The following PDE4B variants were observed in gnomAD, a reference collection of about 807,000 sequenced individuals.
The protein encoded by PDE4B is phosphodiesterase 4B.
PDE4B carries 20 observed loss-of-function variants against 82.2 expected under a neutral mutation model. The ratio of observed to expected loss-of-function variants is 0.24; its 90% CI spans 0.17 to 0.35. The LOEUF is 0.35. Among genes scored for constraint, PDE4B ranks in the 10% least tolerant of loss-of-function variants. PDE4B has a pLI of 1.00. For missense variants in PDE4B, 655 were observed against 907.2 expected, an observed-to-expected ratio of 0.72 and a Z score of 3.57; for synonymous variants, 320 against 318.9, an observed-to-expected ratio of 1.00 and a Z score of -0.04.
Position 66,286,137 on chromosome 1 carries a change from A to C in PDE4B, c.634+20050A>C, listed in dbSNP as rs79305557. Among the ~76,000 whole-genome samples, 356 of 152,314 alleles carry C rather than the reference A, an allele frequency of 2.3e-3. 1 individual carries two copies. The highest frequency in any genetic ancestry group is 8.1e-3 in the African/African-American group (336 of 41,568). ...TTCCTTGGCCCATGAGTCTCCATAG[A>C]AGATGCCATGTGCTTCTGGTAATTG... is the stretch of plus-strand genomic sequence containing the variant. On this transcript the variant is annotated intron_variant, in intron 7 of 16. Transcript: ENST00000341517.
At chr1:66,339,018 CAAAAA>C (rs60064823) in intron 8 of PDE4B, among the ~76,000 whole-genome samples, 1,356 of 79,786 alleles carry the variant, frequency 0.017, 23 homozygotes, top group African/African-American at 0.046. Flanking sequence ...GACTCCGTCT[CAAAAA>C]AAAAAAAAAA....
chr1:66,293,694 A>G (rs895084076), intron 7 of PDE4B, among the ~76,000 whole-genome samples: 2 of 152,204 alleles, frequency 1.3e-5, no homozygotes, highest in East Asian at 3.9e-4. Context: ...TTTAAAACAC[A>G]CACACAAAAT....
chr1:66,187,511 C>G (rs889410880), intron 3 of PDE4B, among the ~76,000 whole-genome samples: 2 of 152,102 alleles, frequency 1.3e-5, no homozygotes, highest in South Asian at 2.1e-4. Flanking sequence ...CAATTTCAGA[C>G]CCTGTTATTG....
At chr1:65,980,371 A>G (rs1483397829) in intron 3 of PDE4B, among the ~76,000 whole-genome samples, 1 of 152,152 alleles carries the variant, frequency 6.6e-6, no homozygotes, top group Non-Finnish European at 1.5e-5. Context: ...TGGTGTTTTG[A>G]CTGTCTATCT....
chr1:66,085,098 C>G (rs115691431), intron 3 of PDE4B, among the ~76,000 whole-genome samples: 3,216 of 152,166 alleles, frequency 0.021, 57 homozygotes, highest in Non-Finnish European at 0.032. Flanking sequence ...CAGCAGTGGT[C>G]CCCAGTGTGT....
chr1:65,851,715 G>T (rs563975335), intron 1 of PDE4B, among the ~76,000 whole-genome samples: 4 of 151,904 alleles, frequency 2.6e-5, no homozygotes, highest in African/African-American at 9.6e-5. Flanking sequence ...ATTCTAAAAG[G>T]TTTCTTCTTT....
At chr1:66,251,336 C>T (rs192335761) in intron 4 of PDE4B, among the ~76,000 whole-genome samples, 95 of 152,228 alleles carry the variant, frequency 6.2e-4, no homozygotes, top group Admixed American at 1.1e-3. Flanking sequence ...GGGAACAAGA[C>T]GAACCCAAGA....
At chr1:65,940,688 C>G (rs1374118350) in intron 3 of PDE4B, among the ~76,000 whole-genome samples, 1 of 151,922 alleles carries the variant, frequency 6.6e-6, no homozygotes, top group African/African-American at 2.4e-5. Flanking sequence ...GCTTGATTTG[C>G]TAGGTTGATA....
At position 66,120,329 on chromosome 1, in the gene PDE4B, G is replaced by A. The variant is rs114996938; in HGVS notation, c.282-127131G>A. The stretch of plus-strand genomic sequence containing the variant: ...CTTGGTTTGGATGGGGTATGCCTAG[G>A]AGTAGCTCACCCTTCTCTGATCTCC... On this transcript the variant is annotated intron_variant, in intron 3 of 16. Coordinates refer to ENST00000341517, the MANE Select transcript of PDE4B (RefSeq NM_002600.4). Among the ~76,000 whole-genome samples, 1,028 of 146,018 alleles carry A rather than the reference G, an allele frequency of 7.0e-3. 12 individuals carry two copies. The highest frequency in any genetic ancestry group is 0.027 in the African/African-American group (962 of 35,822).
chr1:65,856,676 A>C (rs1489004087), intron 1 of PDE4B, among the ~76,000 whole-genome samples: 1 of 152,234 alleles, frequency 6.6e-6, no homozygotes, highest in African/African-American at 2.4e-5. Flanking sequence ...AATGATTTAT[A>C]ATCCTTTGGG....
intron 3 of PDE4B, among the ~76,000 whole-genome samples, chr1:66,067,658 A>C (rs1221011044): frequency 6.6e-6 from 1 of 152,020 alleles, no homozygotes; most frequent in African/African-American, 2.4e-5. Context: ...CTCTGATGGT[A>C]GTTTCTTTTC....
At chr1:66,335,563 G>A (rs778070186) in intron 8 of PDE4B, among the ~76,000 whole-genome samples, 42 of 152,312 alleles carry the variant, frequency 2.8e-4, no homozygotes, top group Admixed American at 8.5e-4. Context: ...ATAGCCTAGA[G>A]AGTTAGCTAA....
intron 3 of PDE4B, among the ~76,000 whole-genome samples, chr1:66,090,667 A>ATG (rs1333762891): frequency 1.2e-4 from 2 of 16,268 alleles, no homozygotes; most frequent in African/African-American, 6.6e-4. Context: ...GTATGTATAT[A>ATG]TGTGTATGTG....
At chr1:66,090,616 A>ATATATATATATAT (rs200925983) in intron 3 of PDE4B, among the ~76,000 whole-genome samples, 2 of 89,926 alleles carry the variant, frequency 2.2e-5, no homozygotes, top group African/African-American at 9.1e-5. Flanking sequence ...ATATGTATAT[A>ATATATATATATAT]ATATATGTGT....
chr1:66,029,849 C>T (rs549148740), intron 3 of PDE4B, among the ~76,000 whole-genome samples: 13 of 152,210 alleles, frequency 8.5e-5, no homozygotes, highest in Admixed American at 5.2e-4. Flanking sequence ...TCAAATTTCT[C>T]ACCCAGTGAT....
chr1:66,237,607 C>T (rs185856576), intron 3 of PDE4B, among the ~76,000 whole-genome samples: 14 of 152,220 alleles, frequency 9.2e-5, no homozygotes, highest in Admixed American at 4.6e-4. Context: ...AGAGTAATAA[C>T]GACAAAAATG....
chr1:66,339,760 A>G (rs1660819133), intron 8 of PDE4B, among the ~76,000 whole-genome samples: 1 of 152,204 alleles, frequency 6.6e-6, no homozygotes, highest in Non-Finnish European at 1.5e-5. Context: ...TCAACCCGTT[A>G]GCAGAATAAA....
At chr1:66,318,334 T>C (rs1227605488) in intron 7 of PDE4B, among the ~76,000 whole-genome samples, 9 of 152,164 alleles carry the variant, frequency 5.9e-5, no homozygotes. Context: ...ATACATAGTC[T>C]CTCACACACT....
At chr1:65,816,702 G>A (rs544562471) in intron 1 of PDE4B, among the ~76,000 whole-genome samples, 111 of 152,192 alleles carry the variant, frequency 7.3e-4, no homozygotes, top group Middle Eastern at 3.4e-3. Flanking sequence ...TTAAAGCCAT[G>A]AAAATCATTT....
Sources: allele counts gnomAD v4.1 joint callset (sites outside exome capture counted in the v4.1 genomes callset), GRCh38; gene constraint gnomAD v4.1.1; transcripts MANE v1.5; gene names NCBI Gene and HGNC (gene_info 2026-07-23, HGNC 2026-07-21).